GALNTL6: variants seen among roughly 807,000 people sequenced by gnomAD.
The protein encoded by GALNTL6 is polypeptide N-acetylgalactosaminyltransferase like 6.
Under a neutral mutation model 73.7 loss-of-function variants are expected in GALNTL6, and 46 were observed. That is an observed-to-expected ratio of 0.62 (90% CI 0.49 to 0.80). The LOEUF is 0.80. GALNTL6 is among the 30% of genes least tolerant of loss of function. The pLI is 0.00. For synonymous variants in GALNTL6, 259 were observed against 263.7 expected (o/e 0.98, Z 0.17); for missense variants, 604 against 755.0 (o/e 0.80, Z 2.34).
At chr4:172,050,074 C>A (rs1560900532) in intron 2 of GALNTL6, among the ~76,000 whole-genome samples, 1 of 152,060 alleles carries the variant, frequency 6.6e-6, no homozygotes, top group Non-Finnish European at 1.5e-5. Context: ...CCCACTTTTA[C>A]TCTCCTTCAT....
At chr4:171,970,465 G>A (rs1739534627) in intron 2 of GALNTL6, among the ~76,000 whole-genome samples, 1 of 152,138 alleles carries the variant, frequency 6.6e-6, no homozygotes, top group Admixed American at 6.5e-5. Context: ...CAGAAATCTG[G>A]ATGCTATGGA....
chr4:172,698,902 G>A (rs1008518939), intron 5 of GALNTL6, among the ~76,000 whole-genome samples: 4 of 152,056 alleles, frequency 2.6e-5, no homozygotes, highest in African/African-American at 9.7e-5. Context: ...TTCCTCCCAC[G>A]CCTTTTTTGC....
chr4:172,247,322 C>T (rs1008858348), intron 3 of GALNTL6, among the ~76,000 whole-genome samples: 3 of 152,130 alleles, frequency 2.0e-5, no homozygotes, highest in Non-Finnish European at 4.4e-5. Context: ...AAGCATTATC[C>T]CCTATTTTTC....
intron 2 of GALNTL6, among the ~76,000 whole-genome samples, chr4:171,886,779 C>A (rs1419032165): frequency 6.6e-6 from 1 of 152,122 alleles, no homozygotes; most frequent in Non-Finnish European, 1.5e-5. Context: ...ACAAATTTAT[C>A]AGGTAGACAA....
At chr4:172,964,672 T>G (rs148497817) in intron 10 of GALNTL6, among the ~76,000 whole-genome samples, 11 of 152,330 alleles carry the variant, frequency 7.2e-5, no homozygotes, top group Admixed American at 5.9e-4. Flanking sequence ...GCTTCTTTCT[T>G]CTAATGTTCT....
At chr4:173,030,693 G>A (rs563466593) in intron 12 of GALNTL6, among the ~76,000 whole-genome samples, 15 of 152,008 alleles carry the variant, frequency 9.9e-5, no homozygotes, top group South Asian at 2.1e-4. Context: ...CTCTGTGCCC[G>A]GTCTGTGTTC....
chr4:172,196,312 C>A (rs182307006), intron 2 of GALNTL6, among the ~76,000 whole-genome samples: 8 of 152,060 alleles, frequency 5.3e-5, no homozygotes, highest in Non-Finnish European at 5.9e-5. Context: ...CAAATAGCCA[C>A]CAACCAAAAA....
At chr4:172,936,813 C>G (rs1298447654) in intron 9 of GALNTL6, among the ~76,000 whole-genome samples, 1 of 151,980 alleles carries the variant, frequency 6.6e-6, no homozygotes, top group Non-Finnish European at 1.5e-5. Context: ...AAACTGAAGT[C>G]AAATCTCATA....
At chr4:171,825,045 A>G (rs1046885698) in intron 2 of GALNTL6, among the ~76,000 whole-genome samples, 1 of 152,154 alleles carries the variant, frequency 6.6e-6, no homozygotes, top group Admixed American at 6.5e-5. Flanking sequence ...TTCTTACTAC[A>G]TGGTGTTAAT....
At chr4:172,166,378 G>A (rs1018940937) in intron 2 of GALNTL6, among the ~76,000 whole-genome samples, 10 of 152,082 alleles carry the variant, frequency 6.6e-5, no homozygotes, top group Admixed American at 5.2e-4. Context: ...CCCAGGAGGC[G>A]GAGGTTGCAG....
chr4:172,883,377 C>T (rs747470526), intron 8 of GALNTL6, among the ~76,000 whole-genome samples: 5 of 152,196 alleles, frequency 3.3e-5, no homozygotes, highest in African/African-American at 4.8e-5. Flanking sequence ...CACAGTTCTG[C>T]AGGCTGCACA....
intron 3 of GALNTL6, among the ~76,000 whole-genome samples, chr4:172,305,904 A>T (rs1371183205): frequency 6.6e-6 from 1 of 152,138 alleles, no homozygotes; most frequent in Non-Finnish European, 1.5e-5. Context: ...CACCAAATTG[A>T]TGTACAAATA....
chr4:172,482,788 C>A (rs338031), intron 5 of GALNTL6, among the ~76,000 whole-genome samples: 150,959 of 152,350 alleles, frequency 0.99, 74,811 homozygotes, highest in Middle Eastern at 1. Context: ...TAAGCTCCAC[C>A]AAGAATGTCG....
At chr4:171,910,028 G>T (rs534435415) in intron 2 of GALNTL6, among the ~76,000 whole-genome samples, 1 of 152,202 alleles carries the variant, frequency 6.6e-6, no homozygotes, top group East Asian at 1.9e-4. Flanking sequence ...ATGAATACAT[G>T]AATAATGTAT....
At chr4:172,752,046 T>TAAAAAAA in intron 5 of GALNTL6, among the ~76,000 whole-genome samples, 1 of 135,008 alleles carries the variant, frequency 7.4e-6, no homozygotes, top group Non-Finnish European at 1.6e-5. Flanking sequence ...AACTTAAACT[T>TAAAAAAA]AAAAAAAAAA....
chr4:172,731,035 G>T, intron 5 of GALNTL6, among the ~76,000 whole-genome samples: 1 of 148,974 alleles, frequency 6.7e-6, no homozygotes, highest in Middle Eastern at 3.5e-3. Flanking sequence ...AGCCGAGATC[G>T]CACCACTGCA....
intron 5 of GALNTL6, among the ~76,000 whole-genome samples, chr4:172,398,531 G>C (rs755240937): frequency 2.0e-5 from 3 of 152,102 alleles, no homozygotes; most frequent in Non-Finnish European, 4.4e-5. Flanking sequence ...GACTAGCTTT[G>C]CAATCGTTTA....
intron 7 of GALNTL6, among the ~76,000 whole-genome samples, chr4:172,852,863 G>A (rs1444953447): frequency 6.6e-6 from 1 of 152,140 alleles, no homozygotes; most frequent in Non-Finnish European, 1.5e-5. Flanking sequence ...TCCCATGGGT[G>A]TGTTATGATA....
At chr4:172,905,019 T>A (rs1282028695) in intron 8 of GALNTL6, among the ~76,000 whole-genome samples, 2 of 152,202 alleles carry the variant, frequency 1.3e-5, no homozygotes, top group African/African-American at 4.8e-5. Context: ...TTACATTGTA[T>A]CCCTAAGTTC....
Sources: allele counts gnomAD v4.1 joint callset (sites outside exome capture counted in the v4.1 genomes callset), GRCh38; gene constraint gnomAD v4.1.1; transcripts MANE v1.5; gene names NCBI Gene and HGNC (gene_info 2026-07-23, HGNC 2026-07-21).